Variants in CACNA2D3 observed in about 807,000 individuals in gnomAD.
CACNA2D3 encodes the protein voltage-dependent calcium channel subunit alpha-2/delta-3.
In CACNA2D3, 60 loss-of-function variants were observed where a neutral mutation model predicts 160.6. The ratio of observed to expected loss-of-function variants is 0.37; its 90% confidence interval spans 0.30 to 0.46. The LOEUF is 0.46. Ranked by LOEUF, CACNA2D3 falls within the 20% of genes least tolerant of loss-of-function variation. The pLI is 1.00. For missense variants in CACNA2D3, 1,205 were observed against 1,365.0 expected (o/e 0.88, Z 1.85); for synonymous variants, 558 against 492.9 (o/e 1.13, Z -1.75).
intron 2 of CACNA2D3, among the ~76,000 whole-genome samples, chr3:54,300,102 T>A (rs1703440231): frequency 6.6e-6 from 1 of 152,224 alleles, no homozygotes. Context: ...GAAGATAAAA[T>A]CATTATTTTT....
rs5849058 is a variant in CACNA2D3 at position 54,739,751 on chromosome 3, A to ATGTGTGTGTG, written c.1168-12813_1168-12804dup. 6.2e-3 allele frequency among the ~76,000 whole-genome samples: 910 copies of ATGTGTGTGTG among 145,938 alleles called. 15 individuals are homozygous for ATGTGTGTGTG. Among genetic ancestry groups the ATGTGTGTGTG allele is most frequent in the African/African-American group, 0.023 (872 of 38,644 alleles). On this transcript the variant is annotated intron_variant, in intron 11 of 37. Coordinates refer to ENST00000474759, the MANE Select transcript of CACNA2D3 (RefSeq NM_018398.3). ...GAATGACAGGCCCTTCTCCTCATAT[A>ATGTGTGTGTG]TGTGTGTGTGTGTGTGTGTGTGTGT...
intron 25 of CACNA2D3, among the ~76,000 whole-genome samples, chr3:54,892,680 A>T (rs1425242431): frequency 6.6e-6 from 1 of 152,134 alleles, no homozygotes; most frequent in Non-Finnish European, 1.5e-5. Flanking sequence ...TGAGATACAC[A>T]TTGCCTTCTC....
intron 2 of CACNA2D3, among the ~76,000 whole-genome samples, chr3:54,226,809 A>G (rs1481826461): frequency 1.3e-5 from 2 of 152,112 alleles, no homozygotes; most frequent in African/African-American, 4.8e-5. Flanking sequence ...CACCTCAGGA[A>G]GTTTCTATTT....
At chr3:54,178,201 A>ACTCAGGGT (rs1359321254) in intron 2 of CACNA2D3, among the ~76,000 whole-genome samples, 1 of 152,118 alleles carries the variant, frequency 6.6e-6, no homozygotes, top group Non-Finnish European at 1.5e-5. Flanking sequence ...TGATGCTAAG[A>ACTCAGGGT]CTCAGGGTTA....
intron 2 of CACNA2D3, among the ~76,000 whole-genome samples, chr3:54,226,727 CTCAGCCT>C (rs1228226388): frequency 7.2e-5 from 11 of 152,214 alleles, no homozygotes; most frequent in Admixed American, 4.6e-4. Flanking sequence ...TGTTCAGCTT[CTCAGCCT>C]TCAGCCACGT....
intron 32 of CACNA2D3, among the ~76,000 whole-genome samples, chr3:55,005,615 C>G (rs561420874): frequency 3.9e-5 from 6 of 152,110 alleles, no homozygotes; most frequent in Non-Finnish European, 7.4e-5. Flanking sequence ...TTGGTGATGT[C>G]ACAGACGAGG....
At chr3:55,023,977 T>C (rs1191985334) in intron 35 of CACNA2D3, among the ~76,000 whole-genome samples, 1 of 139,104 alleles carries the variant, frequency 7.2e-6, no homozygotes, top group Non-Finnish European at 1.5e-5. Flanking sequence ...ATGTTTGTTT[T>C]GTTTTACTAT....
intron 3 of CACNA2D3, among the ~76,000 whole-genome samples, chr3:54,377,187 C>T (rs1430395268): frequency 6.6e-6 from 1 of 152,164 alleles, no homozygotes; most frequent in Non-Finnish European, 1.5e-5. Flanking sequence ...TCAGTCAAAC[C>T]CTTCCATAAA....
chr3:54,500,961 G>T (rs1701285280), intron 4 of CACNA2D3, among the ~76,000 whole-genome samples: 1 of 152,196 alleles, frequency 6.6e-6, no homozygotes, highest in Non-Finnish European at 1.5e-5. Context: ...CAAGGTGCTG[G>T]CATGTTTAGT....
intron 27 of CACNA2D3, among the ~76,000 whole-genome samples, chr3:54,938,831 A>G (rs17054577): frequency 0.026 from 4,024 of 152,308 alleles, 196 homozygotes; most frequent in African/African-American, 0.092. Context: ...ATATGATTCT[A>G]GAAAAGTCAG....
rs1331712274 is a variant in CACNA2D3 at position 54,879,344 on chromosome 3, A to G, written c.1783-6A>G. ...CTCTACGACTTTTTTTTTTTTTTCA[A>G]TCTAGAAACGGGTTTTGGTGATGAC... On this transcript the variant is annotated splice_region_variant and splice_polypyrimidine_tract_variant and intron_variant, in intron 19 of 37. Transcript: ENST00000474759. The G allele has an allele frequency of 1.3e-6, 2 of 1,584,014 alleles. No homozygotes were observed. Among genetic ancestry groups the G allele is most frequent in the Non-Finnish European group, 1.7e-6 (2 of 1,169,590 alleles).
chr3:54,975,344 T>C (rs1180940519), intron 29 of CACNA2D3, among the ~76,000 whole-genome samples: 2 of 151,758 alleles, frequency 1.3e-5, no homozygotes, highest in Non-Finnish European at 2.9e-5. Flanking sequence ...CATGGTGAAA[T>C]CCCGTCTTTA....
At chr3:54,272,330 C>G (rs1702638904) in intron 2 of CACNA2D3, among the ~76,000 whole-genome samples, 1 of 152,196 alleles carries the variant, frequency 6.6e-6, no homozygotes, top group Admixed American at 6.5e-5. Context: ...CTGCTTGCAG[C>G]CAGTGAGAGA....
At chr3:54,402,890 G>A (rs1040106407) in intron 4 of CACNA2D3, among the ~76,000 whole-genome samples, 3 of 152,094 alleles carry the variant, frequency 2.0e-5, no homozygotes, top group Non-Finnish European at 4.4e-5. Flanking sequence ...CACAAAGTAA[G>A]TCTTAACAAA....
At chr3:54,153,794 A>C (rs573053380) in intron 2 of CACNA2D3, among the ~76,000 whole-genome samples, 2 of 152,222 alleles carry the variant, frequency 1.3e-5, no homozygotes, top group African/African-American at 4.8e-5. Flanking sequence ...CCAACCCACT[A>C]AATTAATTAT....
chr3:54,448,935 A>C (rs1191793989), intron 4 of CACNA2D3, among the ~76,000 whole-genome samples: 1 of 152,210 alleles, frequency 6.6e-6, no homozygotes, highest in East Asian at 1.9e-4. Context: ...TCTTGGATTG[A>C]CTCAAGATGA....
intron 4 of CACNA2D3, among the ~76,000 whole-genome samples, chr3:54,405,800 A>G (rs551579075): frequency 6.6e-6 from 1 of 152,002 alleles, no homozygotes; most frequent in African/African-American, 2.4e-5. Flanking sequence ...CAAATCATGT[A>G]TCTGCTAAGG....
chr3:54,622,270 G>A (rs969557310), intron 9 of CACNA2D3, among the ~76,000 whole-genome samples: 1 of 152,134 alleles, frequency 6.6e-6, no homozygotes, highest in Admixed American at 6.5e-5. Context: ...CCCCAGTTCA[G>A]TTTTTTGTTT....
intron 11 of CACNA2D3, among the ~76,000 whole-genome samples, chr3:54,685,628 G>A (rs995542146): frequency 1.4e-4 from 21 of 152,140 alleles, no homozygotes; most frequent in Admixed American, 1.4e-3. Flanking sequence ...CTTAACCTCC[G>A]TTGTCTCATC....
Sources: allele counts gnomAD v4.1 joint callset (sites outside exome capture counted in the v4.1 genomes callset), GRCh38; gene constraint gnomAD v4.1.1; transcripts MANE v1.5; gene names NCBI Gene and HGNC (gene_info 2026-07-23, HGNC 2026-07-21).